Variants in ADAM12 observed in about 807,000 individuals in gnomAD.
ADAM12 encodes the protein ADAM metallopeptidase domain 12.
In ADAM12, 70 loss-of-function variants were observed where a neutral mutation model predicts 106.4. The observed-to-expected ratio is 0.66, with a 90% CI of 0.54 to 0.80. The LOEUF (loss-of-function observed/expected upper bound fraction) is 0.80. ADAM12 is among the 30% of genes least tolerant of loss of function. ADAM12 has a pLI of 0.00. For synonymous variants in ADAM12, 420 were observed against 433.5 expected, an observed-to-expected ratio of 0.97 and a Z score of 0.39; for missense variants, 1,010 against 1,171.9, an observed-to-expected ratio of 0.86 and a Z score of 2.02.
intron 1 of ADAM12, among the ~76,000 whole-genome samples, chr10:126,372,611 A>G (rs1182331203): frequency 3.9e-5 from 6 of 152,212 alleles, no homozygotes; most frequent in Admixed American, 1.3e-4. Context: ...ATCAGGGGAG[A>G]TAAGCTGAAG....
rs1000082638 is a variant in ADAM12 at position 126,185,477 on chromosome 10, C to T, written c.261-30172G>A. 4.9e-5 allele frequency among the ~76,000 whole-genome samples: 6 copies of T among 121,666 alleles called. 1 individual carries two copies. The highest frequency in any genetic ancestry group is 9.4e-5 in the African/African-American group (2 of 21,368). 79.8% of individuals were successfully genotyped at this position (121,666 alleles called of 152,430 possible). ...GCTGGAATATCTTGATTTCTGTTAA[C>T]ATCTGTTTTTTTTTTTGGATAGAGG... is the stretch of plus-strand genomic sequence containing the variant. On this transcript the variant is annotated intron_variant, in intron 3 of 22. Transcript: ENST00000448723.
chr10:126,179,739 T>G (rs1476768346), intron 3 of ADAM12, among the ~76,000 whole-genome samples: 1 of 152,192 alleles, frequency 6.6e-6, no homozygotes, highest in Non-Finnish European at 1.5e-5. Flanking sequence ...CCTTCTGGTC[T>G]CGTGTGGGTG....
At position 126,014,912 on chromosome 10, in the gene ADAM12, C is replaced by T. The variant is rs961439237; in HGVS notation, c.*2367G>A. 2 of 152,008 alleles carry T rather than the reference C, an allele frequency of 1.3e-5. No individual in the cohort carries two copies. The highest frequency in any genetic ancestry group is 2.4e-5 in the African/African-American group (1 of 41,368). The allele number at this position is 152,008 out of a possible 1,614,324, so 9.4% of individuals were successfully genotyped here. On this transcript the variant is annotated 3_prime_UTR_variant, in exon 23 of 23. Transcript: ENST00000448723. ...GGATATAAAAAAGAATACTCCACCC[C>T]GTGCCTCCCCCAACCACAAAACACC...
intron 3 of ADAM12, among the ~76,000 whole-genome samples, chr10:126,218,829 T>TAA (rs2133848978): frequency 6.6e-6 from 1 of 152,292 alleles, no homozygotes; most frequent in East Asian, 1.9e-4. Context: ...GCTGCCAAAT[T>TAA]AGGATCTGTA....
intron 18 of ADAM12, chr10:126,041,577 G>A: frequency 1.0e-6 from 1 of 986,160 alleles, no homozygotes; most frequent in South Asian, 4.7e-5. Context: ...TTGTTTCATT[G>A]CCATTCAGTT....
chr10:126,337,906 T>A (rs1854767612), intron 1 of ADAM12, among the ~76,000 whole-genome samples: 1 of 152,104 alleles, frequency 6.6e-6, no homozygotes, highest in Non-Finnish European at 1.5e-5. Flanking sequence ...TGGCACATTA[T>A]TACTTTTATG....
chr10:126,248,093 C>A (rs17155554), intron 3 of ADAM12, among the ~76,000 whole-genome samples: 30,609 of 152,058 alleles, frequency 0.2, 3,315 homozygotes, highest in South Asian at 0.31. Context: ...TGAAATTACT[C>A]GGGTGACATG....
rs376615603 is a variant in ADAM12, at chr10:126,388,225, CG to C, written c.-81del. ...TCCCACGCGGGCGCCGAGCCGGGGC[CG>C]GGCGTCGCGACCGGAGGGATTTCCT... On this transcript the variant is annotated 5_prime_UTR_variant, in exon 1 of 23. Coordinates refer to ENST00000448723, the MANE Select transcript of ADAM12 (RefSeq NM_001288973.2). This position sits in a 1 kb window ranked among gnomAD's most constrained non-coding sequence, Gnocchi z 4.4. 1,128 of 1,190,370 alleles carry C rather than the reference CG, an allele frequency of 9.5e-4. 21 individuals carry two copies. The South Asian group carries it at 0.039, about 41-fold the overall frequency. 73.7% of individuals were successfully genotyped at this position (1,190,370 alleles called of 1,614,324 possible).
intron 3 of ADAM12, among the ~76,000 whole-genome samples, chr10:126,184,405 C>G (rs1190172412): frequency 1.3e-5 from 2 of 152,144 alleles, no homozygotes; most frequent in African/African-American, 4.8e-5. Context: ...TAAAAGTGAC[C>G]TCAAATTTTT....
intron 10 of ADAM12, among the ~76,000 whole-genome samples, chr10:126,098,048 G>A (rs1383638931): frequency 2.0e-5 from 3 of 152,206 alleles, no homozygotes; most frequent in Non-Finnish European, 4.4e-5. Flanking sequence ...AAACGGGAAC[G>A]TCTGGTGAGA....
chr10:126,108,482 C>T, intron 8 of ADAM12, 111 bp downstream of exon 8: 1 of 984,162 alleles, frequency 1.0e-6, no homozygotes, highest in South Asian at 1.5e-5. Context: ...AGTTCCAAAC[C>T]AAGGCCCAGA....
At chr10:126,153,760 C>G (rs549375044) in intron 4 of ADAM12, among the ~76,000 whole-genome samples, 1 of 152,192 alleles carries the variant, frequency 6.6e-6, no homozygotes, top group East Asian at 1.9e-4. Flanking sequence ...TAGAAATATT[C>G]CTACAGAACT....
intron 21 of ADAM12, 142 bp from the exon 22 acceptor site, chr10:126,019,967 G>T: frequency 9.6e-7 from 1 of 1,047,112 alleles, no homozygotes; most frequent in Non-Finnish European, 1.3e-6. Context: ...GCTGACCTCT[G>T]TTAATCTTCT....
intron 2 of ADAM12, among the ~76,000 whole-genome samples, chr10:126,319,291 A>G (rs1854010155): frequency 6.6e-6 from 1 of 152,176 alleles, no homozygotes; most frequent in Non-Finnish European, 1.5e-5. Context: ...GCAACACAGC[A>G]TGGGAAGGGG....
At chr10:126,145,901 G>A (rs190673333) in intron 4 of ADAM12, among the ~76,000 whole-genome samples, 38 of 152,356 alleles carry the variant, frequency 2.5e-4, no homozygotes, top group African/African-American at 8.9e-4. Context: ...ACTGTGGAGG[G>A]TGATACTGGT....
At chr10:126,225,645 C>T (rs1358115987) in intron 3 of ADAM12, among the ~76,000 whole-genome samples, 2 of 152,166 alleles carry the variant, frequency 1.3e-5, no homozygotes, top group African/African-American at 2.4e-5. Flanking sequence ...GCCTGGATTC[C>T]CCTTCACAAA....
intron 3 of ADAM12, among the ~76,000 whole-genome samples, chr10:126,255,968 G>A (rs1168207529): frequency 2.0e-5 from 3 of 152,138 alleles, no homozygotes; most frequent in Non-Finnish European, 4.4e-5. Flanking sequence ...TGGGCATCTC[G>A]TCAGGGCACT....
intron 3 of ADAM12, among the ~76,000 whole-genome samples, chr10:126,222,112 A>C: frequency 6.6e-6 from 1 of 152,166 alleles, no homozygotes; most frequent in East Asian, 1.9e-4. Context: ...TAGGCATTAC[A>C]CGGAACCATG....
chr10:126,096,089 T>G (rs1318181637), intron 10 of ADAM12, among the ~76,000 whole-genome samples: 1 of 152,236 alleles, frequency 6.6e-6, no homozygotes, highest in Non-Finnish European at 1.5e-5. Flanking sequence ...TTGTTTAGAT[T>G]TTAGAGTTTC....
Sources: gnomAD v4.1 joint callset for allele counts (sites outside exome capture counted in the v4.1 genomes callset) on GRCh38, gnomAD v4.1.1 for gene constraint, Gnocchi (gnomAD v3.1) non-coding constraint, MANE v1.5 for transcripts, NCBI Gene and HGNC (gene_info 2026-07-23, HGNC 2026-07-21) for gene names.